Variants in OPRM1 observed in about 807,000 individuals in gnomAD.
The protein encoded by OPRM1 is opioid receptor mu 1.
A neutral mutation model predicts 31.8 loss-of-function variants in OPRM1; 27 were observed. The ratio of observed to expected loss-of-function variants is 0.85; its 90% CI spans 0.63 to 1.17. The LOEUF is 1.17. OPRM1 is among the 50% of genes most tolerant of loss of function. OPRM1 has a pLI of 0.00. For missense variants in OPRM1, 536 were observed against 511.1 expected, an observed-to-expected ratio of 1.05 and a Z score of -0.47; for synonymous variants, 196 against 189.9, an observed-to-expected ratio of 1.03 and a Z score of -0.26.
chr6:154,228,400 G>GGT (rs1339408883), intron 3 of OPRM1, among the ~76,000 whole-genome samples: 1 of 152,144 alleles, frequency 6.6e-6, no homozygotes, highest in Non-Finnish European at 1.5e-5. Context: ...TCCTGCCAGA[G>GGT]GTATCAAACC....
intron 1 of OPRM1, among the ~76,000 whole-genome samples, chr6:154,021,556 T>C (rs533314049): frequency 1.3e-4 from 20 of 152,336 alleles, no homozygotes; most frequent in African/African-American, 4.6e-4. Context: ...GAAGAAGTGA[T>C]GTCTTGATAA....
At chr6:154,177,447 A>G (rs991700775) in intron 3 of OPRM1, among the ~76,000 whole-genome samples, 1 of 152,224 alleles carries the variant, frequency 6.6e-6, no homozygotes, top group Non-Finnish European at 1.5e-5. Context: ...TATAAGAAAA[A>G]AACAAACAAC....
intron 3 of OPRM1, among the ~76,000 whole-genome samples, chr6:154,171,898 T>C (rs1238815370): frequency 6.6e-6 from 1 of 152,234 alleles, no homozygotes; most frequent in Admixed American, 6.5e-5. Context: ...TCTACTTAGA[T>C]TAAGGCATAA....
intron 1 of OPRM1, among the ~76,000 whole-genome samples, chr6:154,053,416 T>C (rs908077476): frequency 6.6e-6 from 1 of 152,206 alleles, no homozygotes; most frequent in Non-Finnish European, 1.5e-5. Context: ...GCTCATTGCT[T>C]GGATCTTTTT....
intron 1 of OPRM1, among the ~76,000 whole-genome samples, chr6:154,027,205 T>A (rs1778745909): frequency 6.6e-6 from 1 of 152,228 alleles, no homozygotes; most frequent in Non-Finnish European, 1.5e-5. Context: ...TCTTGCACAT[T>A]CATTGAGGGA....
At chr6:154,183,847 G>A (rs1037609097) in intron 3 of OPRM1, among the ~76,000 whole-genome samples, 1 of 152,018 alleles carries the variant, frequency 6.6e-6, no homozygotes, top group Non-Finnish European at 1.5e-5. Flanking sequence ...CCGAGGTCAT[G>A]CCACTGCACT....
chr6:154,040,227 G>T (rs1779776002), intron 1 of OPRM1, among the ~76,000 whole-genome samples: 1 of 152,078 alleles, frequency 6.6e-6, no homozygotes, highest in African/African-American at 2.4e-5. Context: ...TGAATAATGG[G>T]AGAGAAATTC....
At chr6:154,095,428 C>T (rs1405773012) in intron 3 of OPRM1, among the ~76,000 whole-genome samples, 1 of 152,232 alleles carries the variant, frequency 6.6e-6, no homozygotes, top group East Asian at 1.9e-4. Flanking sequence ...CATCATGCAA[C>T]TGACGAACAA....
At chr6:154,112,901 G>A (rs1258072925) in intron 3 of OPRM1, among the ~76,000 whole-genome samples, 1 of 152,190 alleles carries the variant, frequency 6.6e-6, no homozygotes, top group Non-Finnish European at 1.5e-5. Flanking sequence ...AGGTCAGTCT[G>A]CAGTATTGAC....
intron 1 of OPRM1, among the ~76,000 whole-genome samples, chr6:154,019,535 G>A (rs1013877536): frequency 4.0e-5 from 6 of 151,346 alleles, no homozygotes; most frequent in Non-Finnish European, 7.4e-5. Context: ...CTAAAAATTC[G>A]TACACTCTTC....
At chr6:154,211,641 G>T (rs531624548) in intron 3 of OPRM1, among the ~76,000 whole-genome samples, 1 of 152,258 alleles carries the variant, frequency 6.6e-6, no homozygotes, top group African/African-American at 2.4e-5. Flanking sequence ...GAAGGTGATG[G>T]ATAAATCTGA....
chr6:154,189,632 A>G (rs12213117), intron 3 of OPRM1, among the ~76,000 whole-genome samples: 1 of 152,214 alleles, frequency 6.6e-6, no homozygotes, highest in African/African-American at 2.4e-5. Context: ...TATTACCCAG[A>G]TTTGATCATT....
intron 3 of OPRM1, among the ~76,000 whole-genome samples, chr6:154,183,353 C>CA (rs1477662025): frequency 4.6e-5 from 7 of 152,204 alleles, no homozygotes; most frequent in African/African-American, 1.7e-4. Context: ...TATGTACTTG[C>CA]ATAACATGAC....
intron 1 of OPRM1, among the ~76,000 whole-genome samples, chr6:154,043,305 A>G (rs634479): frequency 0.19 from 28,472 of 152,058 alleles, 2,973 homozygotes; most frequent in Admixed American, 0.27. Flanking sequence ...TACGTGCAAG[A>G]TGTTATTGTC....
At chr6:154,179,605 C>T (rs1443051651) in intron 3 of OPRM1, among the ~76,000 whole-genome samples, 3 of 152,172 alleles carry the variant, frequency 2.0e-5, no homozygotes, top group Non-Finnish European at 4.4e-5. Context: ...AGTCTTCCTA[C>T]ATAAAACAGC....
At chr6:154,243,447 C>G (rs1028669111) in intron 3 of OPRM1, among the ~76,000 whole-genome samples, 6 of 152,106 alleles carry the variant, frequency 3.9e-5, no homozygotes, top group Non-Finnish European at 8.8e-5. Context: ...TTTGAAGTAG[C>G]AACGTGTGGT....
rs889048911 is a variant in OPRM1 at position 154,131,793 on chromosome 6, C to A, written c.*13072C>A. 6.6e-6 allele frequency among the ~76,000 whole-genome samples: 1 copy of A among 151,940 alleles called. No individual in the cohort carries two copies. The highest frequency in any genetic ancestry group is 6.6e-5 in the Admixed American group (1 of 15,258). On this transcript the variant is annotated 3_prime_UTR_variant, in exon 4 of 4. Coordinates refer to ENST00000330432, the MANE Select transcript of OPRM1 (RefSeq NM_000914.5). ...AAGCTCTTTCCCCACATCTGCTTTT[C>A]AAAAATATTTGCCTGGAAACCTGTA...
intron 3 of OPRM1, among the ~76,000 whole-genome samples, chr6:154,233,055 G>A (rs1203695568): frequency 6.8e-6 from 1 of 147,482 alleles, no homozygotes; most frequent in Non-Finnish European, 1.5e-5. Context: ...TGCAACCTCC[G>A]CCTCCCGGGT....
chr6:154,092,790 A>G (rs911242378), intron 3 of OPRM1, among the ~76,000 whole-genome samples: 1 of 152,198 alleles, frequency 6.6e-6, no homozygotes, highest in Non-Finnish European at 1.5e-5. Context: ...AGTGATGCTC[A>G]AGGGAACACA....
Sources: allele counts gnomAD v4.1 joint callset (sites outside exome capture counted in the v4.1 genomes callset), GRCh38; gene constraint gnomAD v4.1.1; transcripts MANE v1.5; gene names NCBI Gene and HGNC (gene_info 2026-07-23, HGNC 2026-07-21).